Variants in DIS3L2 observed in about 807,000 individuals in gnomAD.
DIS3L2 encodes DIS3 like 3'-5' exoribonuclease 2, also known as DIS3-like exonuclease 2.
In DIS3L2, 34 loss-of-function variants were observed where a neutral mutation model predicts 97.5. The ratio of observed to expected loss-of-function variants is 0.35; its 90% CI spans 0.27 to 0.46. The LOEUF (loss-of-function observed/expected upper bound fraction) is 0.46. DIS3L2 is among the 20% of genes least tolerant of loss of function. DIS3L2 has a pLI of 1.00. For synonymous variants in DIS3L2, 435 were observed against 445.2 expected (o/e 0.98, Z 0.29); for missense variants, 1,038 against 1,146.0 (o/e 0.91, Z 1.36).
chr2:232,050,826 G>C (rs886952757), intron 5 of DIS3L2, among the ~76,000 whole-genome samples: 2 of 152,242 alleles, frequency 1.3e-5, no homozygotes, highest in African/African-American at 4.8e-5. Context: ...GCAGAAATCA[G>C]ATGTGTAGAC....
intron 3 of DIS3L2, among the ~76,000 whole-genome samples, chr2:232,021,188 C>G (rs1694501221): frequency 6.6e-6 from 1 of 152,036 alleles, no homozygotes. Context: ...AGTAGAGAAT[C>G]AAGGGTAAAA....
intron 10 of DIS3L2, among the ~76,000 whole-genome samples, chr2:232,237,868 C>A (rs148283802): frequency 5.6e-4 from 86 of 152,288 alleles, no homozygotes; most frequent in Non-Finnish European, 7.9e-4. Flanking sequence ...GCCAAGCCAA[C>A]ATCTAAATGG....
chr2:232,189,213 C>T (rs1249988289), intron 9 of DIS3L2, among the ~76,000 whole-genome samples: 9 of 152,190 alleles, frequency 5.9e-5, no homozygotes, highest in South Asian at 4.1e-4. Context: ...CCGGTAATTG[C>T]ACTCCTGGGC....
chr2:231,983,561 G>T (rs1027402822), intron 1 of DIS3L2, among the ~76,000 whole-genome samples: 1 of 152,146 alleles, frequency 6.6e-6, no homozygotes, highest in Non-Finnish European at 1.5e-5. Context: ...GCATGTGAGG[G>T]ATGTAGGTTA....
At chr2:232,229,998 C>T (rs923013290) in intron 10 of DIS3L2, among the ~76,000 whole-genome samples, 2 of 152,100 alleles carry the variant, frequency 1.3e-5, no homozygotes, top group African/African-American at 2.4e-5. Flanking sequence ...ATTTACTTAC[C>T]CCAGATTTTT....
chr2:232,213,963 C>T (rs1348923201), intron 10 of DIS3L2, among the ~76,000 whole-genome samples: 1 of 152,134 alleles, frequency 6.6e-6, no homozygotes, highest in Non-Finnish European at 1.5e-5. Context: ...GGAAGGGATT[C>T]TACTGGTTTC....
intron 6 of DIS3L2, among the ~76,000 whole-genome samples, chr2:232,104,006 CT>C (rs1269455585): frequency 6.6e-6 from 1 of 152,042 alleles, no homozygotes; most frequent in Non-Finnish European, 1.5e-5. Flanking sequence ...CCCCCACCAC[CT>C]TTTTTTAACA....
chr2:232,033,548 C>A (rs141403195), intron 5 of DIS3L2, among the ~76,000 whole-genome samples: 1 of 152,060 alleles, frequency 6.6e-6, no homozygotes, highest in Non-Finnish European at 1.5e-5. Flanking sequence ...TGTCTTGTGC[C>A]GGTTTTCAAA....
intron 5 of DIS3L2, among the ~76,000 whole-genome samples, chr2:232,082,674 A>G (rs1258282386): frequency 6.6e-6 from 1 of 152,170 alleles, no homozygotes; most frequent in Non-Finnish European, 1.5e-5. Flanking sequence ...TTGGTTTAGT[A>G]ACTCAAAAGT....
At chr2:232,059,182 G>A (rs1453073723) in intron 5 of DIS3L2, among the ~76,000 whole-genome samples, 10 of 152,134 alleles carry the variant, frequency 6.6e-5, no homozygotes, top group African/African-American at 1.9e-4. Context: ...AAGAATTCTT[G>A]CAACAGCATA....
chr2:232,169,133 T>A (rs944449201), intron 9 of DIS3L2, among the ~76,000 whole-genome samples: 3 of 152,140 alleles, frequency 2.0e-5, no homozygotes, highest in Admixed American at 6.5e-5. Flanking sequence ...TGCTCTGAGG[T>A]CCACTGCTTT....
chr2:232,153,929 C>T (rs1690395137), intron 8 of DIS3L2, among the ~76,000 whole-genome samples: 1 of 150,710 alleles, frequency 6.6e-6, no homozygotes, highest in Non-Finnish European at 1.5e-5. Context: ...TCTAAACTTC[C>T]CTTCTCGCTT....
At chr2:232,320,946 C>G (rs150778203) in intron 14 of DIS3L2, among the ~76,000 whole-genome samples, 3 of 152,250 alleles carry the variant, frequency 2.0e-5, no homozygotes, top group Non-Finnish European at 4.4e-5. Context: ...CCCACAGGAC[C>G]ATGGAGCCAG....
intron 1 of DIS3L2, among the ~76,000 whole-genome samples, chr2:231,990,198 G>A (rs1269061132): frequency 3.3e-5 from 5 of 151,374 alleles, no homozygotes; most frequent in African/African-American, 2.4e-5. Flanking sequence ...TTTTAAAGAT[G>A]AGGTTTTAAG....
chr2:232,176,771 T>A lies in DIS3L2; in HGVS notation c.1124+13139T>A, dbSNP rs572590539. 8.7e-5 allele frequency among the ~76,000 whole-genome samples: 13 copies of A among 148,812 alleles called. No homozygotes were observed. In the East Asian group the frequency reaches 1.2e-3, roughly 13 times the overall value. ...GCCCGGCTATTTTTTTTTAATTTTT[T>A]AATTAATTAATTAATTAATTAATTT... On this transcript the variant is annotated intron_variant, in intron 9 of 20. Transcript: ENST00000325385.
chr2:232,057,934 TA>T (rs1195234346), intron 5 of DIS3L2, among the ~76,000 whole-genome samples: 2 of 152,206 alleles, frequency 1.3e-5, no homozygotes, highest in African/African-American at 4.8e-5. Context: ...TATATGTAAT[TA>T]AAAATGAGTT....
chr2:232,061,358 C>T (rs569212833), intron 5 of DIS3L2, among the ~76,000 whole-genome samples: 1 of 152,314 alleles, frequency 6.6e-6, no homozygotes, highest in South Asian at 2.1e-4. Context: ...AAAGCAAAGA[C>T]ATGTTTCTTG....
intron 6 of DIS3L2, among the ~76,000 whole-genome samples, chr2:232,096,335 C>T (rs534348316): frequency 6.6e-6 from 1 of 151,694 alleles, no homozygotes; most frequent in South Asian, 2.1e-4. Context: ...ATCTGCCCAC[C>T]TCGGCCTCCC....
intron 10 of DIS3L2, among the ~76,000 whole-genome samples, chr2:232,210,641 G>T (rs1210253753): frequency 6.6e-6 from 1 of 152,208 alleles, no homozygotes; most frequent in African/African-American, 2.4e-5. Context: ...CTCTTCTTGG[G>T]CTTCAGAAGG....
Sources: gnomAD v4.1 joint callset for allele counts (sites outside exome capture counted in the v4.1 genomes callset) on GRCh38, gnomAD v4.1.1 for gene constraint, MANE v1.5 for transcripts, NCBI Gene and HGNC (gene_info 2026-07-23, HGNC 2026-07-21) for gene names.